Variants in MAP4K4 observed in about 807,000 individuals in gnomAD.
MAP4K4 encodes the protein mitogen-activated protein kinase kinase kinase kinase 4, also known as HPK/GCK-like kinase HGK.
MAP4K4 carries 38 observed loss-of-function variants against 189.6 expected under a neutral mutation model. The ratio of observed to expected loss-of-function variants is 0.20; its 90% CI spans 0.15 to 0.26. MAP4K4 has a LOEUF of 0.26. MAP4K4 is among the 10% of genes least tolerant of loss of function. The pLI, the probability that MAP4K4 is intolerant of heterozygous loss-of-function variation, is 1.00. For missense variants in MAP4K4, 1,054 were observed against 1,726.9 expected (o/e 0.61, Z 6.91); for synonymous variants, 610 against 624.3 (o/e 0.98, Z 0.34).
intron 2 of MAP4K4, among the ~76,000 whole-genome samples, chr2:101,706,210 A>G (rs888073248): frequency 6.6e-6 from 1 of 152,138 alleles, no homozygotes; most frequent in Non-Finnish European, 1.5e-5. Context: ...TAAATTATGT[A>G]CTTATGTGGC....
chr2:101,871,196 T>G (rs1247531249), intron 23 of MAP4K4, among the ~76,000 whole-genome samples: 2 of 151,902 alleles, frequency 1.3e-5, no homozygotes, highest in Non-Finnish European at 2.9e-5. Flanking sequence ...AAAGAAAGAT[T>G]TAAAAAGAAA....
chr2:101,881,846 T>C (rs992973719), intron 27 of MAP4K4, among the ~76,000 whole-genome samples: 3 of 151,718 alleles, frequency 2.0e-5, no homozygotes, highest in African/African-American at 7.3e-5. Context: ...ATCATTTTTG[T>C]TGTTGTTGCT....
At chr2:101,756,196 G>A (rs1234072585) in intron 2 of MAP4K4, among the ~76,000 whole-genome samples, 3 of 151,940 alleles carry the variant, frequency 2.0e-5, no homozygotes, top group Admixed American at 2.0e-4. Flanking sequence ...CGCCTGCCTC[G>A]GCCTCCCAAA....
At chr2:101,892,543 C>T in exon 33 of MAP4K4, 1 of 245,162 alleles carries the variant, frequency 4.1e-6, no homozygotes, top group Non-Finnish European at 8.2e-6. Flanking sequence ...AGAATAGTCA[C>T]ACAAACTGTT....
At chr2:101,780,156 G>C (rs1429784435) in intron 2 of MAP4K4, among the ~76,000 whole-genome samples, 1 of 152,202 alleles carries the variant, frequency 6.6e-6, no homozygotes, top group Non-Finnish European at 1.5e-5. Flanking sequence ...TGCTGAGAAA[G>C]AAGTTAAGAA....
chr2:101,814,412 T>C (rs1179132150), intron 3 of MAP4K4, among the ~76,000 whole-genome samples: 2 of 152,234 alleles, frequency 1.3e-5, no homozygotes, highest in Non-Finnish European at 2.9e-5. Context: ...GTGGTTCCCA[T>C]GAGGCTCTTC....
chr2:101,726,159 T>C (rs552967234), intron 2 of MAP4K4, among the ~76,000 whole-genome samples: 2 of 152,246 alleles, frequency 1.3e-5, no homozygotes, highest in Non-Finnish European at 2.9e-5. Flanking sequence ...ACCAATCAAA[T>C]TGATGTCTGT....
rs1202696707 is a variant in MAP4K4 at position 101,825,435 on chromosome 2, G to A, written c.417+6G>A. 4 of 1,591,326 alleles carry A rather than the reference G, an allele frequency of 2.5e-6. No individual in the cohort carries two copies. The highest frequency in any genetic ancestry group is 3.4e-6 in the Non-Finnish European group (4 of 1,160,232). Reference sequence around the variant, plus strand: ...TCTCCAGAGAAATCCTGAGGGTAAGGAAAGTGGGTGGCTACAGTGCTCCAA... The same window carrying A: ...TCTCCAGAGAAATCCTGAGGGTAAGAAAAGTGGGTGGCTACAGTGCTCCAA... On this transcript the variant is annotated splice_donor_region_variant and intron_variant, in intron 5 of 32. Transcript: ENST00000324219.
At chr2:101,779,370 G>A (rs900500030) in intron 2 of MAP4K4, among the ~76,000 whole-genome samples, 1 of 152,152 alleles carries the variant, frequency 6.6e-6, no homozygotes, top group African/African-American at 2.4e-5. Context: ...AACTCCACTA[G>A]ATCTATTTAA....
intron 2 of MAP4K4, among the ~76,000 whole-genome samples, chr2:101,763,875 T>TA (rs891377277): frequency 1.2e-4 from 18 of 151,650 alleles, no homozygotes; most frequent in Admixed American, 6.6e-4. Flanking sequence ...TAATCTGACT[T>TA]AAAAAAAAAT....
At chr2:101,801,795 C>T (rs1391278931) in intron 3 of MAP4K4, among the ~76,000 whole-genome samples, 1 of 152,290 alleles carries the variant, frequency 6.6e-6, no homozygotes, top group African/African-American at 2.4e-5. Flanking sequence ...ACTTGGAAGT[C>T]CGATAGCCTA....
chr2:101,707,676 C>G lies in MAP4K4; in HGVS notation c.123+9138C>G, dbSNP rs556295970. ...TACAGGTGTGCACCACCATGTCCAG[C>G]TAAGTTTTTTTTTTTTGTTTTTTTT... On this transcript the variant is annotated intron_variant, in intron 2 of 32. Coordinates refer to ENST00000324219, the Ensembl canonical transcript of MAP4K4. Among the ~76,000 whole-genome samples the G allele has an allele frequency of 4.8e-3, 710 of 147,600 alleles. 2 individuals are homozygous for G. The highest frequency in any genetic ancestry group is 0.024 in the Middle Eastern group (7 of 288).
chr2:101,807,254 C>T lies in MAP4K4; in HGVS notation c.180+16478C>T, dbSNP rs377439151. ...TTAATTTTTTTTAGAGACAGGGTCTCACTATATTGCCCAGGCTAGTCTCAA... is the reference window on the plus strand; with the variant it reads ...TTAATTTTTTTTAGAGACAGGGTCTTACTATATTGCCCAGGCTAGTCTCAA... On this transcript the variant is annotated intron_variant, in intron 3 of 32. Transcript: ENST00000324219. 6.6e-5 allele frequency among the ~76,000 whole-genome samples: 10 copies of T among 151,990 alleles called. No individual in the cohort carries two copies. In the East Asian group the frequency reaches 1.9e-3, roughly 30 times the overall value.
intron 28 of MAP4K4, among the ~76,000 whole-genome samples, chr2:101,884,495 C>T (rs758843143): frequency 1.3e-5 from 2 of 152,092 alleles, no homozygotes; most frequent in African/African-American, 4.8e-5. Context: ...TGCTCATGCA[C>T]AAAGAAGAAA....
chr2:101,716,543 T>G (rs1201156359), intron 2 of MAP4K4, among the ~76,000 whole-genome samples: 1 of 151,884 alleles, frequency 6.6e-6, no homozygotes, highest in Admixed American at 6.6e-5. Flanking sequence ...CGTGTTTTCA[T>G]GGGGTTTAAA....
chr2:101,831,619 C>T (rs1172568009), intron 6 of MAP4K4, 102 bp from the exon 7 acceptor site: 1 of 1,279,994 alleles, frequency 7.8e-7, no homozygotes, highest in Non-Finnish European at 1.1e-6. Context: ...ACTGCTGTTT[C>T]AGTTTACTAT....
exon 33 of MAP4K4, chr2:101,893,009 G>T (rs778229885): frequency 3.9e-5 from 18 of 456,204 alleles, no homozygotes; most frequent in Admixed American, 2.4e-4. Flanking sequence ...TTCCTTTGTG[G>T]TTAATTTTCC....
intron 7 of MAP4K4, 74 bp from the exon 8 acceptor site, chr2:101,834,335 T>G (rs1305563800): frequency 8.9e-7 from 1 of 1,128,892 alleles, no homozygotes; most frequent in African/African-American, 1.5e-5. Context: ...CAAAGTTGTG[T>G]GAATACCCAG....
At chr2:101,860,731 T>A (rs2097623435) in intron 15 of MAP4K4, 94 bp from the exon 16 acceptor site, 1 of 1,108,400 alleles carries the variant, frequency 9.0e-7, no homozygotes, top group African/African-American at 1.6e-5. Flanking sequence ...AACAGAAAAC[T>A]TACCTTTAGA....
Sources: gnomAD v4.1 joint callset for allele counts (sites outside exome capture counted in the v4.1 genomes callset) on GRCh38, gnomAD v4.1.1 for gene constraint, MANE v1.5 for transcripts, NCBI Gene and HGNC (gene_info 2026-07-23, HGNC 2026-07-21) for gene names.